Variants in RHOH observed in about 807,000 individuals in gnomAD.
The protein encoded by RHOH is rho-related GTP-binding protein RhoH.
A neutral mutation model predicts 13.8 loss-of-function variants in RHOH; 6 were observed. The observed-to-expected ratio is 0.44, with a 90% CI of 0.24 to 0.86. The LOEUF is 0.86. Among genes scored for constraint, RHOH ranks in the 40% least tolerant of loss-of-function variants. The pLI is 0.24. For missense variants in RHOH, 147 were observed against 244.5 expected (o/e 0.60, Z 2.66); for synonymous variants, 117 against 103.0 (o/e 1.14, Z -0.82).
upstream of RHOH, among the ~76,000 whole-genome samples, chr4:40,194,280 G>A (rs1722905770): frequency 6.6e-6 from 1 of 151,988 alleles, no homozygotes; most frequent in Admixed American, 6.6e-5. Context: ...CCAGGCTGGA[G>A]TGCAGTGGTA....
chr4:40,243,759 C>T lies in RHOH; in HGVS notation c.373C>T (p.Pro125Ser), dbSNP rs375574952. Reference protein sequence around the residue: ...ATQTDQREMGPHRASCVNAME... With the variant: ...ATQTDQREMGSHRASCVNAME... ...CCAGACTGACCAGCGGGAGATGGGG[C>T]CCCACAGGGCCTCCTGCGTCAATGC... The change falls in exon 3 of 3, where the codon CCC becomes TCC. Residue 125 changes from proline (P) to serine (S), a missense_variant. Coordinates refer to ENST00000381799, the MANE Select transcript of RHOH (RefSeq NM_004310.5). This position sits in a 1 kb window ranked among gnomAD's most constrained non-coding sequence, Gnocchi z 6.2. 1.9e-6 allele frequency: 3 copies of T among 1,613,876 alleles called. No homozygotes were observed. Among genetic ancestry groups the T allele is most frequent in the African/African-American group, 1.3e-5 (1 of 74,900 alleles).
intron 1 of RHOH, among the ~76,000 whole-genome samples, chr4:40,206,904 T>C (rs1724706771): frequency 6.6e-6 from 1 of 152,136 alleles, no homozygotes; most frequent in East Asian, 1.9e-4. Context: ...TTTGTAAGTG[T>C]TTATGTATTA....
At position 40,245,206 on chromosome 4, in the gene RHOH, G is replaced by A. The variant is rs986084323; in HGVS notation, c.*1244G>A. The A allele has an allele frequency of 1.3e-5, 2 of 152,152 alleles. No homozygotes were observed. Among genetic ancestry groups the A allele is most frequent in the African/African-American group, 4.8e-5 (2 of 41,432 alleles). The allele number at this position is 152,152 out of a possible 1,614,324, so 9.4% of individuals were successfully genotyped here. A position where few individuals can be genotyped will look rare whatever the true frequency, so the allele number is the denominator to read the frequency against. On this transcript the variant is annotated 3_prime_UTR_variant, in exon 3 of 3. Coordinates refer to ENST00000381799, the MANE Select transcript of RHOH (RefSeq NM_004310.5). ...CGAATAGTTTAAAAGCAATGGTGTT[G>A]CTCATCTGTTAAAGTGGAGAACAGA...
chr4:40,195,809 C>T (rs2109334937), upstream of RHOH, among the ~76,000 whole-genome samples: 1 of 152,316 alleles, frequency 6.6e-6, no homozygotes, highest in Non-Finnish European at 1.5e-5. Flanking sequence ...AGGATCTCAG[C>T]TGGCAGATTG....
chr4:40,241,611 C>T (rs567428144), intron 1 of RHOH, among the ~76,000 whole-genome samples: 48 of 152,236 alleles, frequency 3.2e-4, no homozygotes, highest in African/African-American at 9.9e-4. Flanking sequence ...TCTTGGCAGC[C>T]GGACGCGGTG....
chr4:40,200,754 A>G (rs1286566159), intron 1 of RHOH, among the ~76,000 whole-genome samples: 3 of 152,244 alleles, frequency 2.0e-5, no homozygotes, highest in African/African-American at 7.2e-5. Context: ...ACGCAAACGT[A>G]CGGTGCCGCT....
chr4:40,211,240 A>G (rs1031427900), intron 1 of RHOH, among the ~76,000 whole-genome samples: 1 of 152,020 alleles, frequency 6.6e-6, no homozygotes, highest in Non-Finnish European at 1.5e-5. Flanking sequence ...TTTAACATAT[A>G]CTTTATTTCT....
intron 1 of RHOH, among the ~76,000 whole-genome samples, chr4:40,213,937 A>T (rs1725585082): frequency 6.6e-6 from 1 of 152,002 alleles, no homozygotes. Context: ...TTGTATTTTT[A>T]GTGGAGACAG....
In RHOH at chr4:40,243,494, A is replaced by T; in HGVS notation, c.108A>T (p.Thr36=). The change falls in exon 3 of 3, where the codon ACA becomes ACT. Residue 36 remains threonine, a synonymous_variant. Transcript: ENST00000381799. The surrounding 1 kb of genome is among the most constrained non-coding windows in gnomAD (Gnocchi z 6.2). ...CCTTCCCGGAGGCCTACAAGCCCAC[A>T]GTGTACGAGAACACAGGGGTGGACG... ...SETFPEAYKP[T]VYENTGVDVF... The T allele has an allele frequency of 6.2e-7, 1 of 1,613,788 alleles. No homozygotes were observed. The highest frequency in any genetic ancestry group is 8.5e-7 in the Non-Finnish European group (1 of 1,179,952).
At chr4:40,208,644 C>T (rs185808903) in intron 1 of RHOH, among the ~76,000 whole-genome samples, 1,580 of 152,164 alleles carry the variant, frequency 0.01, 27 homozygotes, top group African/African-American at 0.036. Context: ...GAGTTTTGGG[C>T]AGCAACATGA....
intron 1 of RHOH, among the ~76,000 whole-genome samples, chr4:40,222,370 C>A (rs529178036): frequency 6.6e-6 from 1 of 152,216 alleles, no homozygotes; most frequent in Non-Finnish European, 1.5e-5. Context: ...AAAGAACAGG[C>A]TGACTGTCTA....
chr4:40,198,200 T>C (rs1387498667), intron 1 of RHOH, among the ~76,000 whole-genome samples: 1 of 151,728 alleles, frequency 6.6e-6, no homozygotes, highest in Non-Finnish European at 1.5e-5. Flanking sequence ...CAAACTGGAG[T>C]TGTCAGGAAG....
intron 1 of RHOH, among the ~76,000 whole-genome samples, chr4:40,225,519 A>G (rs950675967): frequency 9.2e-5 from 14 of 152,108 alleles, no homozygotes; most frequent in Non-Finnish European, 1.6e-4. Flanking sequence ...CACCTAGAGG[A>G]GAGAGGTTGA....
In RHOH at chr4:40,203,688, C is replaced by T. The variant is rs78303701; in HGVS notation, c.-331+6388C>T. Among the ~76,000 whole-genome samples the T allele has an allele frequency of 1.1e-4, 17 of 152,150 alleles. No homozygotes were observed. In the East Asian group the frequency reaches 3.3e-3, roughly 29 times the overall value. ...ATTTATTTGTTATAGAAACAAACAG[C>T]AAAAACCAGGAAGCTGTACTTACGA... On this transcript the variant is annotated intron_variant, in intron 1 of 2. Coordinates refer to ENST00000381799, the MANE Select transcript of RHOH (RefSeq NM_004310.5).
chr4:40,236,193 GGCCAAGATT>G (rs1728554362), intron 1 of RHOH, among the ~76,000 whole-genome samples: 1 of 152,038 alleles, frequency 6.6e-6, no homozygotes, highest in Non-Finnish European at 1.5e-5. Context: ...GTGTGACTGT[GGCCAAGATT>G]GCCAACCTCT....
chr4:40,230,892 T>C (rs1727850739), intron 1 of RHOH, among the ~76,000 whole-genome samples: 1 of 150,448 alleles, frequency 6.6e-6, no homozygotes, highest in Non-Finnish European at 1.5e-5. Context: ...ATTTTCAGAG[T>C]CACTGATAGG....
At chr4:40,222,525 A>G (rs1400259765) in intron 1 of RHOH, among the ~76,000 whole-genome samples, 1 of 152,212 alleles carries the variant, frequency 6.6e-6, no homozygotes, top group African/African-American at 2.4e-5. Flanking sequence ...ATGACAACAC[A>G]TCTATTTACA....
upstream of RHOH, among the ~76,000 whole-genome samples, chr4:40,196,118 G>T (rs1218731134): frequency 6.6e-6 from 1 of 152,106 alleles, no homozygotes; most frequent in Non-Finnish European, 1.5e-5. Flanking sequence ...TTGATGTCCG[G>T]TCCCAACCCA....
At chr4:40,217,891 G>A (rs1187626370) in intron 1 of RHOH, among the ~76,000 whole-genome samples, 2 of 152,200 alleles carry the variant, frequency 1.3e-5, no homozygotes, top group Non-Finnish European at 2.9e-5. Flanking sequence ...AAAGATGGAT[G>A]TCCAACTCCA....
Sources: allele counts gnomAD v4.1 joint callset (sites outside exome capture counted in the v4.1 genomes callset), GRCh38; gene constraint gnomAD v4.1.1; non-coding constraint Gnocchi (gnomAD v3.1); transcripts MANE v1.5; gene names NCBI Gene and HGNC (gene_info 2026-07-23, HGNC 2026-07-21).